The following TNXB variants were observed in gnomAD, a reference collection of about 807,000 sequenced individuals.
The protein encoded by TNXB is tenascin XB, also known as tenascin-X.
A neutral mutation model predicts 340.5 loss-of-function variants in TNXB; 183 were observed. The observed-to-expected ratio is 0.54, with a 90% CI of 0.48 to 0.61. The LOEUF is 0.61. Among genes scored for constraint, TNXB ranks in the 20% least tolerant of loss-of-function variants. The probability of loss-of-function intolerance (pLI) is 0.00; values close to 1 mark genes in which losing one functional copy is unlikely to be tolerated. For synonymous variants in TNXB, 2,121 were observed against 2,314.5 expected, an observed-to-expected ratio of 0.92 and a Z score of 2.40; for missense variants, 4,613 against 5,446.4, an observed-to-expected ratio of 0.85 and a Z score of 4.82.
Position 32,096,309 on chromosome 6 carries a change from TTGCACACGCAGCG to T in TNXB, c.1531_1543del (p.Arg511ThrfsTer56). On this transcript the variant is annotated frameshift_variant, in exon 3 of 44. Coordinates refer to ENST00000644971, the MANE Select transcript of TNXB (RefSeq NM_001365276.2). LOFTEE classifies it high-confidence loss of function. ...ACAGTCCTCACCGGTGAAGCCCGGG[TTGCACACGCAGCG>T]GCCATCCACGCAGCGCCCGCGCCCG... 6.4e-7 allele frequency: 1 copy of T among 1,551,164 alleles called. No homozygotes were observed. The highest frequency in any genetic ancestry group is 1.7e-4 in the Middle Eastern group (1 of 5,998).
rs369938770 is a variant in TNXB at position 32,055,903 on chromosome 6, G to A, written c.8415C>T (p.Tyr2805=). 27 of 1,613,410 alleles carry A rather than the reference G, an allele frequency of 1.7e-5. No individual in the cohort carries two copies. Among genetic ancestry groups the A allele is most frequent in the Admixed American group, 8.3e-5 (5 of 60,024 alleles). ...CCACACGCCGCCCCTCGTGGAGGCC[G>A]TACAGGTGCATCTTGTATTTGCGCC... ...EPGRKYKMHL[Y]GLHEGRRVGP... is the part of the protein sequence containing the mutation. Residue 2805 remains tyrosine, a synonymous_variant, in exon 24 of 44, where the codon TAC becomes TAT. Transcript: ENST00000644971.
Position 32,087,558 on chromosome 6 carries a change from G to A in TNXB, c.2779+1227C>T. 4.6e-6 allele frequency: 2 copies of A among 433,048 alleles called. No homozygotes were observed. The highest frequency in any genetic ancestry group is 5.0e-5 in the Admixed American group (2 of 39,728). 26.8% of individuals were successfully genotyped at this position (433,048 alleles called of 1,614,324 possible). On this transcript the variant is annotated intron_variant, in intron 6 of 43. Coordinates refer to ENST00000644971, the MANE Select transcript of TNXB (RefSeq NM_001365276.2). This position sits in a 1 kb window ranked among gnomAD's most constrained non-coding sequence, Gnocchi z 9.0. The stretch of plus-strand genomic sequence containing the variant: ...GGTCGACGCCTTCAGGCGAGAGGCC[G>A]TAGATTCCCTGGTTGGAGTCCCGTT...
chr6:32,056,324 GACAGCTAACAC>G (rs1198813079), intron 23 of TNXB, 150 bp from the exon 24 acceptor site: 5 of 1,184,982 alleles, frequency 4.2e-6, no homozygotes. Context: ...CTGCTCAACT[GACAGCTAACAC>G]ACATGACAAG....
In TNXB at chr6:32,072,350, C is replaced by G. The variant is rs962485724; in HGVS notation, c.4682-52G>C. 9.3e-6 allele frequency: 14 copies of G among 1,503,252 alleles called. No individual in the cohort carries two copies. Among genetic ancestry groups the G allele is most frequent in the Middle Eastern group, 3.6e-4 (2 of 5,534 alleles). The allele number at this position is 1,503,252 out of a possible 1,614,324, so 93.1% of individuals were successfully genotyped here. On this transcript the variant is annotated intron_variant, in intron 12 of 43. Coordinates refer to ENST00000644971, the MANE Select transcript of TNXB (RefSeq NM_001365276.2). The surrounding 1 kb of genome is among the most constrained non-coding windows in gnomAD (Gnocchi z 4.4). ...GGTTGAGATCTCTGAGGGGAGAACC[C>G]CTGGGCTTTGAGGGCCTCAGGGGGG...
At position 32,067,161 on chromosome 6, in the gene TNXB, A is replaced by AAGAT. The variant is rs1778415692; in HGVS notation, c.6544+499_6544+500insATCT. 4.6e-5 allele frequency among the ~76,000 whole-genome samples: 7 copies of AAGAT among 151,734 alleles called. No individual in the cohort carries two copies. In the South Asian group the frequency reaches 1.5e-3, roughly 32 times the overall value. ...AAAGAAAGAAAGAAAGAAAGAAAGAAAGAAAGAAAGAAAGAAAGAAAGAAA... is the reference window on the plus strand; with the variant it reads ...AAAGAAAGAAAGAAAGAAAGAAAGAAAGATAGAAAGAAAGAAAGAAAGAAAGAAA... On this transcript the variant is annotated intron_variant, in intron 18 of 43. Transcript: ENST00000644971. This position sits in a 1 kb window ranked among gnomAD's most constrained non-coding sequence, Gnocchi z 4.2.
At chr6:32,054,027 T>C (rs1268109511) in intron 24 of TNXB, among the ~76,000 whole-genome samples, 1 of 151,918 alleles carries the variant, frequency 6.6e-6, no homozygotes, top group Non-Finnish European at 1.5e-5. Context: ...CTCCTCGCCA[T>C]CTTTTGTTCA....
At chr6:32,065,950 A>G (rs1294118589) in intron 18 of TNXB, among the ~76,000 whole-genome samples, 1 of 152,108 alleles carries the variant, frequency 6.6e-6, no homozygotes. Flanking sequence ...TCACCTGGCC[A>G]TATTGTGGAT....
Position 32,079,359 on chromosome 6 carries a change from T to A in TNXB, c.4049A>T (p.Gln1350Leu). The A allele has an allele frequency of 6.2e-7, 1 of 1,601,630 alleles. No homozygotes were observed. Among genetic ancestry groups the A allele is most frequent in the Non-Finnish European group, 8.5e-7 (1 of 1,173,816 alleles). Reference sequence around the variant, plus strand: ...GCTGGGGGTCTCGTCCACATCCTCCTGAGGAGCTGAGAGAAGAGATAGAGG... The same window carrying A: ...GCTGGGGGTCTCGTCCACATCCTCCAGAGGAGCTGAGAGAAGAGATAGAGG... ...PESVVAKTAP[Q>L]EDVDETPSPT... The change falls in exon 11 of 44, where the codon CAG becomes CTG. Residue 1350 changes from glutamine (Q) to leucine (L), a missense_variant. Gln to Leu is a moderately radical substitution (Grantham distance 113). This residue lies in a region of TNXB where 4,327 missense variants were observed against 4,859.4 expected (regional missense o/e 0.89). Coordinates refer to ENST00000644971, the MANE Select transcript of TNXB (RefSeq NM_001365276.2). The surrounding 1 kb of genome is among the most constrained non-coding windows in gnomAD (Gnocchi z 7.1).
Position 32,049,414 on chromosome 6 carries a change from C to T in TNXB, c.9613G>A (p.Gly3205Arg). The change falls in exon 28 of 44, where the codon GGG (glycine) becomes AGG (arginine). Residue 3205 changes from glycine to arginine, a missense_variant. By Grantham distance (125) the Gly-to-Arg change is moderately radical (BLOSUM62 -2). Coordinates refer to ENST00000644971, the MANE Select transcript of TNXB (RefSeq NM_001365276.2). This position sits in a 1 kb window ranked among gnomAD's most constrained non-coding sequence, Gnocchi z 4.5. ...CTGACACGCACCACCTGGGGCTGCC[C>T]GTCCCTGTCCTTGTACTGCACGGTG... ...SFTVQYKDRD[G>R]QPQVVRVRGE... The T allele has an allele frequency of 6.2e-7, 1 of 1,612,658 alleles. No individual in the cohort carries two copies. Among genetic ancestry groups the T allele is most frequent in the East Asian group, 2.2e-5 (1 of 44,874 alleles).
At position 32,067,576 on chromosome 6, in the gene TNXB, G is replaced by A; in HGVS notation, c.6544+85C>T. 1 of 1,508,882 alleles carries A rather than the reference G, an allele frequency of 6.6e-7. No individual in the cohort carries two copies. The highest frequency in any genetic ancestry group is 8.9e-7 in the Non-Finnish European group (1 of 1,126,332). 93.5% of individuals were successfully genotyped at this position (1,508,882 alleles called of 1,614,324 possible). On this transcript the variant is annotated intron_variant, in intron 18 of 43. Transcript: ENST00000644971. The surrounding 1 kb of genome is among the most constrained non-coding windows in gnomAD (Gnocchi z 4.2). ...GGGTGTATTACAGGTTTGAGGTCTT[G>A]GGGTTCTGGGTCCCTAGTGGAGGAG...
rs182953657 is a variant in TNXB, at chr6:32,049,745, G to A, written c.9440-158C>T. On this transcript the variant is annotated intron_variant, in intron 27 of 43. Coordinates refer to ENST00000644971, the MANE Select transcript of TNXB (RefSeq NM_001365276.2). The surrounding 1 kb of genome is among the most constrained non-coding windows in gnomAD (Gnocchi z 4.5). ...CCTGCTCAGCTGACAGCTAACACAC[G>A]TAACAAGTTCCAGGGTCAGCTGTGG... 0.018 allele frequency among the ~76,000 whole-genome samples: 2,796 copies of A among 152,098 alleles called. 36 individuals are homozygous for A. Among genetic ancestry groups the A allele is most frequent in the Non-Finnish European group, 0.026 (1,738 of 67,978 alleles).
At position 32,074,972 on chromosome 6, in the gene TNXB, G is replaced by A. The variant is rs899804240; in HGVS notation, c.4376-1020C>T. Among the ~76,000 whole-genome samples, 2 of 152,212 alleles carry A rather than the reference G, an allele frequency of 1.3e-5. No homozygotes were observed. The highest frequency in any genetic ancestry group is 2.4e-5 in the African/African-American group (1 of 41,450). The stretch of plus-strand genomic sequence containing the variant: ...TGGGATTACAGGCATGATCCTCCAC[G>A]CCTGACCAGGATTACAACTTCATTC... On this transcript the variant is annotated intron_variant, in intron 11 of 43. Coordinates refer to ENST00000644971, the MANE Select transcript of TNXB (RefSeq NM_001365276.2). The surrounding 1 kb of genome is among the most constrained non-coding windows in gnomAD (Gnocchi z 5.5).
chr6:32,096,125 G>A lies in TNXB; in HGVS notation c.1728C>T (p.Cys576=), dbSNP rs1024834316. 6 of 1,602,602 alleles carry A rather than the reference G, an allele frequency of 3.7e-6. No individual in the cohort carries two copies. The African/African-American group carries it at 8.0e-5, about 21-fold the overall frequency. Residue 576 remains cysteine (C), a synonymous_variant, in exon 3 of 44, where the codon TGC becomes TGT. Coordinates refer to ENST00000644971, the MANE Select transcript of TNXB (RefSeq NM_001365276.2). ...AATCCTCGCCAGAGTAGCCGTCCTC[G>A]CACACACACCGCCCATCTAGGCACT... ...RGQCLDGRCV[C]EDGYSGEDCG...
rs1317789977 is a variant in TNXB at position 32,095,595 on chromosome 6, A to C, written c.2242+16T>G. On this transcript the variant is annotated intron_variant, in intron 3 of 43. Coordinates refer to ENST00000644971, the MANE Select transcript of TNXB (RefSeq NM_001365276.2). ...ATCACAGTCCCAGAGTACACTGGGGAAGGCTGCCTGCTCACCTTCTCCGCA... is the reference window on the plus strand; with the variant it reads ...ATCACAGTCCCAGAGTACACTGGGGCAGGCTGCCTGCTCACCTTCTCCGCA... The C allele has an allele frequency of 1.9e-6, 3 of 1,601,972 alleles. No individual in the cohort carries two copies. In the African/African-American group the frequency reaches 4.0e-5, roughly 21 times the overall value.
At chr6:32,059,814 C>A (rs1482458574) in intron 21 of TNXB, among the ~76,000 whole-genome samples, 1 of 151,890 alleles carries the variant, frequency 6.6e-6, no homozygotes, top group Non-Finnish European at 1.5e-5. Flanking sequence ...TCACTTGGTG[C>A]CACAGAGGTG....
intron 36 of TNXB, 33 bp downstream of exon 36, chr6:32,043,404 C>G (rs1400295848): frequency 8.3e-6 from 4 of 480,142 alleles, no homozygotes; most frequent in South Asian, 6.2e-5. Context: ...CCACCCTGAA[C>G]AAGTCCCCTC....
chr6:32,081,593 T>G lies in TNXB; in HGVS notation c.3817A>C (p.Thr1273Pro). The G allele has an allele frequency of 6.2e-7, 1 of 1,601,256 alleles. No individual in the cohort carries two copies. The change falls in exon 10 of 44, where the codon ACC (threonine) becomes CCC (proline). Residue 1273 changes from threonine (T) to proline (P), a missense_variant. Around this residue, in one of 7 missense-constraint regions of TNXB, gnomAD observed 4,327 missense variants for 4,859.4 expected, o/e 0.89. Coordinates refer to ENST00000644971, the MANE Select transcript of TNXB (RefSeq NM_001365276.2). The surrounding 1 kb of genome is among the most constrained non-coding windows in gnomAD (Gnocchi z 5.1). ...CATGAGAGACGCAAGGAGTCTGGGGTCACGCCGGTCACTGTCAGTTCCCCC... is the reference window on the plus strand; with the variant it reads ...CATGAGAGACGCAAGGAGTCTGGGGGCACGCCGGTCACTGTCAGTTCCCCC... ...LLGELTVTGV[T>P]PDSLRLSWTV... is the part of the protein sequence containing the mutation.
At chr6:32,092,579 A>G (rs911486006) in intron 4 of TNXB, among the ~76,000 whole-genome samples, 1 of 151,972 alleles carries the variant, frequency 6.6e-6, no homozygotes, top group Non-Finnish European at 1.5e-5. Flanking sequence ...AATCCCAGCT[A>G]CTTGGGAGGC....
At position 32,069,910 on chromosome 6, in the gene TNXB, T is replaced by C; in HGVS notation, c.5279-49A>G. ...AACGGCTGAGCTGTTTCTGGAAGAC[T>C]GGGTGACCTCGACGGGCAGGATTGA... On this transcript the variant is annotated intron_variant, in intron 14 of 43. Transcript: ENST00000644971. The surrounding 1 kb of genome is among the most constrained non-coding windows in gnomAD (Gnocchi z 6.2). 6.6e-7 allele frequency: 1 copy of C among 1,525,030 alleles called. No individual in the cohort carries two copies. The highest frequency in any genetic ancestry group is 8.8e-7 in the Non-Finnish European group (1 of 1,132,430). The allele number at this position is 1,525,030 out of a possible 1,614,324, so 94.5% of individuals were successfully genotyped here.
Sources: allele counts gnomAD v4.1 joint callset (sites outside exome capture counted in the v4.1 genomes callset), GRCh38; gene constraint gnomAD v4.1.1; regional missense constraint gnomAD v4.1.1; non-coding constraint Gnocchi (gnomAD v3.1); transcripts MANE v1.5; gene names NCBI Gene and HGNC (gene_info 2026-07-23, HGNC 2026-07-21).